Variants in RALGPS1 observed in about 807,000 individuals in gnomAD.
The protein encoded by RALGPS1 is ras-specific guanine nucleotide-releasing factor RalGPS1.
In RALGPS1, 19 loss-of-function variants were observed where a neutral mutation model predicts 78.8. The observed-to-expected ratio is 0.24, with a 90% confidence interval of 0.17 to 0.35. The LOEUF (loss-of-function observed/expected upper bound fraction) is 0.35. RALGPS1 is among the 10% of genes least tolerant of loss of function. The pLI, the probability that RALGPS1 is intolerant of heterozygous loss-of-function variation, is 1.00. For missense variants in RALGPS1, 454 were observed against 688.3 expected (o/e 0.66, Z 3.81); for synonymous variants, 228 against 256.3 (o/e 0.89, Z 1.06).
At chr9:127,117,727 T>C (rs890041595) in intron 8 of RALGPS1, among the ~76,000 whole-genome samples, 8 of 152,244 alleles carry the variant, frequency 5.3e-5, no homozygotes, top group Non-Finnish European at 7.3e-5. Flanking sequence ...TCCACAGATA[T>C]CTTTTCTACC....
intron 8 of RALGPS1, among the ~76,000 whole-genome samples, chr9:127,100,763 A>G (rs1476950762): frequency 6.6e-6 from 1 of 152,250 alleles, no homozygotes; most frequent in Non-Finnish European, 1.5e-5. Flanking sequence ...AGATATGGAC[A>G]GGTAGCAGTC....
intron 13 of RALGPS1, among the ~76,000 whole-genome samples, chr9:127,198,704 G>A (rs2061465108): frequency 6.6e-6 from 1 of 152,190 alleles, no homozygotes; most frequent in African/African-American, 2.4e-5. Flanking sequence ...AAGGGAGGCA[G>A]TGGTGGAGCC....
At chr9:127,092,329 GATGAGCT>G (rs1374869758) in intron 8 of RALGPS1, among the ~76,000 whole-genome samples, 1 of 152,186 alleles carries the variant, frequency 6.6e-6, no homozygotes, top group Non-Finnish European at 1.5e-5. Context: ...CTTCTCTGGA[GATGAGCT>G]GTGTGTGAGG....
chr9:126,977,625 CTG>C (rs1439350779), intron 3 of RALGPS1, 68 bp from the exon 4 acceptor site: 1 of 1,103,382 alleles, frequency 9.1e-7, no homozygotes, highest in African/African-American at 1.6e-5. Flanking sequence ...GTATATGACT[CTG>C]TATAAAGTAA....
At chr9:127,109,251 C>T (rs1174382665) in intron 8 of RALGPS1, among the ~76,000 whole-genome samples, 2 of 152,192 alleles carry the variant, frequency 1.3e-5, no homozygotes, top group Non-Finnish European at 2.9e-5. Flanking sequence ...TACCCATCAC[C>T]GCTGTGCTGA....
At chr9:127,078,806 CTT>C (rs2050912791) in intron 8 of RALGPS1, among the ~76,000 whole-genome samples, 1 of 152,180 alleles carries the variant, frequency 6.6e-6, no homozygotes, top group Non-Finnish European at 1.5e-5. Flanking sequence ...GACTATTCCT[CTT>C]TGACTTCCTT....
At chr9:127,072,624 A>G (rs1171050964) in intron 8 of RALGPS1, among the ~76,000 whole-genome samples, 1 of 152,192 alleles carries the variant, frequency 6.6e-6, no homozygotes, top group African/African-American at 2.4e-5. Context: ...CGGTTTTTAT[A>G]CATGTTTCAT....
intron 4 of RALGPS1, among the ~76,000 whole-genome samples, chr9:127,029,822 C>T (rs2046271551): frequency 1.3e-5 from 2 of 152,186 alleles, no homozygotes; most frequent in African/African-American, 4.8e-5. Context: ...TGTCTCAGCT[C>T]ACCTCAAGGC....
intron 7 of RALGPS1, among the ~76,000 whole-genome samples, chr9:127,061,094 A>G (rs1391370851): frequency 1.3e-5 from 2 of 152,228 alleles, no homozygotes; most frequent in Admixed American, 6.5e-5. Flanking sequence ...ACATGATGAA[A>G]GCTGGTGGCT....
At chr9:127,143,483 C>A (rs1008281969) in intron 8 of RALGPS1, among the ~76,000 whole-genome samples, 1 of 152,174 alleles carries the variant, frequency 6.6e-6, no homozygotes, top group African/African-American at 2.4e-5. Flanking sequence ...TTCTCCATAG[C>A]CCCGTGCTGT....
intron 4 of RALGPS1, among the ~76,000 whole-genome samples, chr9:127,022,809 A>C (rs769571288): frequency 6.6e-6 from 1 of 152,084 alleles, no homozygotes; most frequent in Non-Finnish European, 1.5e-5. Context: ...GCCTGCTGAG[A>C]CATCCCCTCC....
chr9:127,037,815 A>C (rs984158518), intron 5 of RALGPS1, among the ~76,000 whole-genome samples: 1 of 152,172 alleles, frequency 6.6e-6, no homozygotes. Flanking sequence ...CTTGTGGCCT[A>C]TCTTGTTTGT....
intron 1 of RALGPS1, among the ~76,000 whole-genome samples, chr9:126,928,865 G>A (rs536771579): frequency 1.3e-5 from 2 of 152,268 alleles, no homozygotes; most frequent in African/African-American, 4.8e-5. Flanking sequence ...GCTTCCCAAA[G>A]TGCTGAGATT....
chr9:127,088,922 C>G (rs1380340955), intron 8 of RALGPS1: 1 of 1,614,150 alleles, frequency 6.2e-7, no homozygotes, highest in South Asian at 1.1e-5. Context: ...CACGAGAGGT[C>G]AGGAGGGGGA....
Position 127,222,969 on chromosome 9 carries a change from C to T in RALGPS1, c.*4200C>T, listed in dbSNP as rs1216373243. ...TCTCTAATTCTTGTGAATCGTCTCA[C>T]CCGCAGTAACCACTGAACGTCAATC... On this transcript the variant is annotated 3_prime_UTR_variant, in exon 19 of 19. Coordinates refer to ENST00000259351, the MANE Select transcript of RALGPS1 (RefSeq NM_014636.3). 18 of 152,636 alleles carry T rather than the reference C, an allele frequency of 1.2e-4. No homozygotes were observed. Among genetic ancestry groups the T allele is most frequent in the Admixed American group, 1.2e-3 (18 of 15,274 alleles). 9.5% of individuals were successfully genotyped at this position (152,636 alleles called of 1,614,324 possible).
intron 1 of RALGPS1, among the ~76,000 whole-genome samples, chr9:126,928,899 G>C (rs1309865076): frequency 6.6e-6 from 1 of 152,240 alleles, no homozygotes. Context: ...ACCACGCCCG[G>C]CCAAGGATAC....
intron 4 of RALGPS1, among the ~76,000 whole-genome samples, chr9:127,021,645 T>A (rs1268806431): frequency 1.5e-5 from 2 of 136,476 alleles, no homozygotes; most frequent in Non-Finnish European, 3.3e-5. Flanking sequence ...TTTTTTTTTT[T>A]AAAGAGAACA....
rs552575763 is a variant in RALGPS1, at chr9:127,183,310, C to T, written c.910+8528C>T. Among the ~76,000 whole-genome samples, 4 of 152,310 alleles carry T rather than the reference C, an allele frequency of 2.6e-5. No individual in the cohort carries two copies. Among genetic ancestry groups the T allele is most frequent in the African/African-American group, 9.6e-5 (4 of 41,560 alleles). ...ACTTCCGTGGGTATTTCAGAGATTC[C>T]ACAAGTCCCTTGACCCAGGCAGATG... On this transcript the variant is annotated intron_variant, in intron 11 of 18. Coordinates refer to ENST00000259351, the MANE Select transcript of RALGPS1 (RefSeq NM_014636.3). This position sits in a 1 kb window ranked among gnomAD's most constrained non-coding sequence, Gnocchi z 4.0.
At chr9:127,197,322 T>C (rs574843137) in intron 13 of RALGPS1, among the ~76,000 whole-genome samples, 1 of 152,246 alleles carries the variant, frequency 6.6e-6, no homozygotes, top group African/African-American at 2.4e-5. Context: ...ATTACTGCCG[T>C]CAGGCCAGTG....
Sources: gnomAD v4.1 joint callset for allele counts (sites outside exome capture counted in the v4.1 genomes callset) on GRCh38, gnomAD v4.1.1 for gene constraint, Gnocchi (gnomAD v3.1) non-coding constraint, MANE v1.5 for transcripts, NCBI Gene and HGNC (gene_info 2026-07-23, HGNC 2026-07-21) for gene names.